PCBP3: variants seen among roughly 807,000 people sequenced by gnomAD.
The protein encoded by PCBP3 is poly(rC)-binding protein 3.
PCBP3 carries 25 observed loss-of-function variants against 52.7 expected under a neutral mutation model. The ratio of observed to expected loss-of-function variants is 0.47; its 90% confidence interval spans 0.35 to 0.66. PCBP3 has a LOEUF of 0.66. PCBP3 is among the 30% of genes least tolerant of loss of function. PCBP3 has a pLI of 0.01. For synonymous variants in PCBP3, 162 were observed against 183.0 expected (o/e 0.89, Z 0.93); for missense variants, 391 against 490.3 (o/e 0.80, Z 1.91).
At chr21:45,900,480 A>C in intron 7 of PCBP3, 111 bp from the exon 8 acceptor site, 1 of 770,852 alleles carries the variant, frequency 1.3e-6, no homozygotes, top group Non-Finnish European at 2.3e-6. Flanking sequence ...CACAGGCAGG[A>C]GGCTCTGCTG....
chr21:45,764,108 C>CCT (rs2089012840), intron 4 of PCBP3, among the ~76,000 whole-genome samples: 1 of 109,222 alleles, frequency 9.2e-6, no homozygotes, highest in Non-Finnish European at 2.0e-5. Context: ...GTTTCTCATT[C>CCT]TTTTTTTTTT....
chr21:45,840,812 C>G (rs939698050), intron 4 of PCBP3, among the ~76,000 whole-genome samples: 1 of 152,152 alleles, frequency 6.6e-6, no homozygotes, highest in African/African-American at 2.4e-5. Context: ...CTGAGGTCTC[C>G]CTACATTCCC....
At chr21:45,783,798 T>C (rs2090832122) in intron 4 of PCBP3, among the ~76,000 whole-genome samples, 1 of 152,152 alleles carries the variant, frequency 6.6e-6, no homozygotes, top group Non-Finnish European at 1.5e-5. Flanking sequence ...CTGGATAACC[T>C]ACTCACGCCA....
intron 1 of PCBP3, among the ~76,000 whole-genome samples, chr21:45,657,110 C>T (rs553142249): frequency 3.3e-5 from 5 of 152,174 alleles, no homozygotes; most frequent in East Asian, 3.8e-4. Context: ...TGTGAACTAC[C>T]GTGCCCAGCC....
Position 45,817,590 on chromosome 21 carries a change from C to T in PCBP3, c.-125-32371C>T, listed in dbSNP as rs569114947. ...GGCAGCAGCTTGTGTGTGTGCTGCA[C>T]TGCCGTGAGCAGCAACTTGACAGTG... is the stretch of plus-strand genomic sequence containing the variant. On this transcript the variant is annotated intron_variant, in intron 4 of 17. Transcript: ENST00000681687. This position sits in a 1 kb window ranked among gnomAD's most constrained non-coding sequence, Gnocchi z 4.3. Among the ~76,000 whole-genome samples, 2 of 152,376 alleles carry T rather than the reference C, an allele frequency of 1.3e-5. No homozygotes were observed. Among genetic ancestry groups the T allele is most frequent in the East Asian group, 1.9e-4 (1 of 5,190 alleles).
intron 11 of PCBP3, among the ~76,000 whole-genome samples, chr21:45,913,034 C>T (rs11908910): frequency 0.28 from 42,578 of 152,094 alleles, 6,136 homozygotes; most frequent in Middle Eastern, 0.39. Context: ...CTGCCAGGAA[C>T]GGCTCATGGG....
chr21:45,782,382 A>C (rs2090705799), intron 4 of PCBP3, among the ~76,000 whole-genome samples: 1 of 152,204 alleles, frequency 6.6e-6, no homozygotes, highest in Non-Finnish European at 1.5e-5. Flanking sequence ...TTTAGAATTG[A>C]AACATATAGG....
intron 5 of PCBP3, among the ~76,000 whole-genome samples, chr21:45,862,428 A>G (rs926069294): frequency 2.0e-5 from 3 of 152,136 alleles, no homozygotes; most frequent in African/African-American, 4.8e-5. Flanking sequence ...GTTGGTTACT[A>G]TTTTTGCTAA....
intron 11 of PCBP3, among the ~76,000 whole-genome samples, chr21:45,912,844 C>A (rs1484820486): frequency 6.6e-6 from 1 of 152,176 alleles, no homozygotes; most frequent in Non-Finnish European, 1.5e-5. Context: ...CAAGTCAGCC[C>A]AGACCCGCCC....
chr21:45,650,852 T>C (rs1444099888), intron 1 of PCBP3, among the ~76,000 whole-genome samples: 1 of 151,992 alleles, frequency 6.6e-6, no homozygotes, highest in Non-Finnish European at 1.5e-5. Flanking sequence ...GAAGGGTCGC[T>C]AGTCCATTCT....
At chr21:45,695,097 A>G (rs1041083660) in intron 2 of PCBP3, among the ~76,000 whole-genome samples, 1 of 152,236 alleles carries the variant, frequency 6.6e-6, no homozygotes, top group East Asian at 1.9e-4. Flanking sequence ...GCCTTGACAT[A>G]AGATGGAGAA....
intron 2 of PCBP3, among the ~76,000 whole-genome samples, chr21:45,681,526 T>A (rs1425784754): frequency 6.6e-6 from 1 of 152,184 alleles, no homozygotes; most frequent in Non-Finnish European, 1.5e-5. Context: ...TGGTCTTTGG[T>A]CAAGGAATCA....
chr21:45,906,191 G>A (rs1298124573), intron 9 of PCBP3, among the ~76,000 whole-genome samples: 3 of 152,242 alleles, frequency 2.0e-5, no homozygotes, highest in Admixed American at 6.5e-5. Context: ...GAGGGGCAGC[G>A]TGAACACCCA....
chr21:45,697,135 G>A (rs1233496244), intron 2 of PCBP3, among the ~76,000 whole-genome samples: 1 of 152,164 alleles, frequency 6.6e-6, no homozygotes, highest in Non-Finnish European at 1.5e-5. Flanking sequence ...CTTCCTTCTG[G>A]ATATATGTGC....
chr21:45,935,061 G>T (rs1318905103), intron 15 of PCBP3, among the ~76,000 whole-genome samples, 192 bp from the exon 16 acceptor site: 1 of 152,192 alleles, frequency 6.6e-6, no homozygotes, highest in African/African-American at 2.4e-5. Flanking sequence ...GAGAGGTTGG[G>T]ACTAAGGAAA....
chr21:45,932,205 C>CCG (rs2076308073), intron 15 of PCBP3, among the ~76,000 whole-genome samples: 4 of 148,444 alleles, frequency 2.7e-5, no homozygotes, highest in African/African-American at 7.5e-5. Flanking sequence ...ATGAACACAT[C>CCG]GGCCATGCTG....
chr21:45,740,211 G>C (rs925003749), intron 3 of PCBP3, among the ~76,000 whole-genome samples: 1 of 152,160 alleles, frequency 6.6e-6, no homozygotes, highest in Admixed American at 6.5e-5. Flanking sequence ...CAAGTGCAAG[G>C]AGCCCTCGCT....
intron 4 of PCBP3, among the ~76,000 whole-genome samples, chr21:45,777,756 GT>G (rs917294318): frequency 6.8e-4 from 97 of 142,910 alleles, no homozygotes; most frequent in African/African-American, 1.7e-3. Flanking sequence ...TCTAGAATTT[GT>G]TTTTTTTTTA....
rs1269297065 is a variant in PCBP3 at position 45,656,616 on chromosome 21, A to G, written c.-278-12258A>G. Among the ~76,000 whole-genome samples the G allele has an allele frequency of 3.3e-5, 5 of 152,176 alleles. No individual in the cohort carries two copies. The highest frequency in any genetic ancestry group is 9.7e-5 in the African/African-American group (4 of 41,440). ...TGTAACAAACCTGCACGTTCTGCAC[A>G]TGTATTCCAGAACTTAAAGTATAAT... On this transcript the variant is annotated intron_variant, in intron 1 of 17. Coordinates refer to ENST00000681687, the MANE Select transcript of PCBP3 (RefSeq NM_001384156.1). This position sits in a 1 kb window ranked among gnomAD's most constrained non-coding sequence, Gnocchi z 4.3.
Sources: allele counts gnomAD v4.1 joint callset (sites outside exome capture counted in the v4.1 genomes callset), GRCh38; gene constraint gnomAD v4.1.1; non-coding constraint Gnocchi (gnomAD v3.1); transcripts MANE v1.5; gene names NCBI Gene and HGNC (gene_info 2026-07-23, HGNC 2026-07-21).